The following TET3 variants were observed in gnomAD, a reference collection of about 807,000 sequenced individuals.
TET3 encodes the protein methylcytosine dioxygenase TET3.
A neutral mutation model predicts 141.4 loss-of-function variants in TET3; 19 were observed. The ratio of observed to expected loss-of-function variants is 0.13; its 90% confidence interval spans 0.09 to 0.20. TET3 has a LOEUF of 0.20. TET3 is among the 10% of genes least tolerant of loss of function. TET3 has a pLI of 1.00. For synonymous variants in TET3, 1,043 were observed against 980.9 expected, an observed-to-expected ratio of 1.06 and a Z score of -1.18; for missense variants, 1,874 against 2,356.9, an observed-to-expected ratio of 0.80 and a Z score of 4.24.
intron 3 of TET3, among the ~76,000 whole-genome samples, chr2:74,008,000 A>G (rs936702994): frequency 6.6e-6 from 1 of 152,088 alleles, no homozygotes; most frequent in Non-Finnish European, 1.5e-5. Flanking sequence ...ATTGCTATAA[A>G]GGTTCCTAAA....
chr2:73,984,834 G>A (rs1683914763), upstream of TET3, among the ~76,000 whole-genome samples: 1 of 147,204 alleles, frequency 6.8e-6, no homozygotes, highest in Non-Finnish European at 1.5e-5. The surrounding 1 kb of genome is among the most constrained non-coding windows in gnomAD (Gnocchi z 5.6). Context: ...GCGGGGCTCG[G>A]CGGGGCCGCA....
intron 7 of TET3, among the ~76,000 whole-genome samples, chr2:74,089,302 G>C (rs865898273): frequency 6.6e-6 from 1 of 152,246 alleles, no homozygotes; most frequent in Middle Eastern, 3.4e-3. Flanking sequence ...AGTGTTTTCA[G>C]TGTTCATCTG....
At chr2:74,088,397 C>A in intron 7 of TET3, among the ~76,000 whole-genome samples, 1 of 152,168 alleles carries the variant, frequency 6.6e-6, no homozygotes. Flanking sequence ...AATCCCAGCA[C>A]TTTGGGAGGC....
chr2:74,111,175 T>C (rs935657045), downstream of TET3, among the ~76,000 whole-genome samples: 8 of 152,176 alleles, frequency 5.3e-5, no homozygotes, highest in African/African-American at 1.9e-4. Flanking sequence ...TTGTGACCTC[T>C]TGTCCTTTAA....
At chr2:74,099,759 C>T (rs1691062311) in intron 11 of TET3, 147 bp downstream of exon 11, 3 of 860,746 alleles carry the variant, frequency 3.5e-6, no homozygotes, top group Non-Finnish European at 5.3e-6. Flanking sequence ...CAGCCACAGC[C>T]AGCCTGATAG....
At chr2:74,108,474 C>T (rs553395070), downstream of TET3, among the ~76,000 whole-genome samples, 24 of 152,212 alleles carry the variant, frequency 1.6e-4, no homozygotes, top group South Asian at 5.0e-3. Flanking sequence ...TTTCTTTCCA[C>T]TGGGAGATAC....
intron 3 of TET3, 61 bp downstream of exon 3, chr2:74,003,227 C>G (rs1343760403): frequency 6.5e-7 from 1 of 1,541,948 alleles, no homozygotes; most frequent in African/African-American, 1.4e-5. Context: ...AGTGTTTGAC[C>G]GGATTGGATA....
chr2:74,135,487 A>G, the TET3 span: 7 of 1,508,108 alleles, frequency 4.6e-6, no homozygotes, highest in Admixed American at 8.4e-5. Flanking sequence ...ATGGAAATGT[A>G]TATGAGCAAA....
intron 4 of TET3, 68 bp downstream of exon 4, chr2:74,048,479 G>C (rs1297911441): frequency 6.8e-7 from 1 of 1,478,392 alleles, no homozygotes; most frequent in Non-Finnish European, 9.1e-7. Context: ...GGATTTCTAG[G>C]CCCTGCCTTT....
At chr2:74,116,558 G>A in the TET3 span, among the ~76,000 whole-genome samples, 839 of 151,968 alleles carry the variant, frequency 5.5e-3, 7 homozygotes, top group African/African-American at 0.019. Context: ...GTGTGTGTGT[G>A]CCTGTAGTCC....
chr2:74,063,893 CAAA>C lies in TET3; in HGVS notation c.2495-9642_2495-9640del, dbSNP rs70965781. Among the ~76,000 whole-genome samples the C allele has an allele frequency of 3.6e-3, 381 of 106,278 alleles. 4 individuals carry two copies. Among genetic ancestry groups the C allele is most frequent in the African/African-American group, 9.4e-3 (311 of 33,222 alleles). The allele number at this position is 106,278 out of a possible 152,430, so 69.7% of individuals were successfully genotyped here. A position where few individuals can be genotyped will look rare whatever the true frequency, so the allele number is the denominator to read the frequency against. ...GGGCAACAAAGCCCATCTCTGCAGA[CAAA>C]AAAAAAAAAAAAATAAGTAAAATAG... is the stretch of plus-strand genomic sequence containing the variant. On this transcript the variant is annotated intron_variant, in intron 4 of 11. Coordinates refer to ENST00000409262, the MANE Select transcript of TET3 (RefSeq NM_001287491.2).
intron 4 of TET3, among the ~76,000 whole-genome samples, chr2:74,054,549 G>T (rs1025157383): frequency 3.3e-5 from 5 of 152,188 alleles, no homozygotes; most frequent in Admixed American, 6.5e-5. Flanking sequence ...TAGTTCTTTG[G>T]CAGACTGATG....
intron 4 of TET3, among the ~76,000 whole-genome samples, chr2:74,051,100 C>T (rs1458891469): frequency 6.6e-6 from 1 of 152,138 alleles, no homozygotes; most frequent in Non-Finnish European, 1.5e-5. Context: ...GAAAGGCTTT[C>T]CAGACTGAGT....
At chr2:74,043,742 G>A (rs1160833634) in intron 3 of TET3, among the ~76,000 whole-genome samples, 2 of 152,134 alleles carry the variant, frequency 1.3e-5, no homozygotes, top group Admixed American at 6.5e-5. Flanking sequence ...CAGGAACTGC[G>A]GGCTGGGGCC....
At chr2:74,057,037 A>AT in intron 4 of TET3, among the ~76,000 whole-genome samples, 3 of 152,302 alleles carry the variant, frequency 2.0e-5, no homozygotes, top group Admixed American at 2.0e-4. Flanking sequence ...TTTGAAGGGG[A>AT]TAAGGTCTGG....
rs1370668800 is a variant in TET3 at position 74,093,479 on chromosome 2, G to T, written c.3130-50G>T. On this transcript the variant is annotated intron_variant, in intron 9 of 11. Transcript: ENST00000409262. This position sits in a 1 kb window ranked among gnomAD's most constrained non-coding sequence, Gnocchi z 4.2. ...CTGGCCTCCCCAGGTGCAGAATCGG[G>T]GCCACTCACCTCAGGTCATGTGAGC... is the stretch of plus-strand genomic sequence containing the variant. 27 of 1,513,682 alleles carry T rather than the reference G, an allele frequency of 1.8e-5. No homozygotes were observed. Among genetic ancestry groups the T allele is most frequent in the Non-Finnish European group, 2.4e-5 (27 of 1,123,090 alleles). The allele number at this position is 1,513,682 out of a possible 1,614,324, so 93.8% of individuals were successfully genotyped here. A position where few individuals can be genotyped will look rare whatever the true frequency, so the allele number is the denominator to read the frequency against.
chr2:74,131,557 G>T, the TET3 span, among the ~76,000 whole-genome samples: 1 of 152,160 alleles, frequency 6.6e-6, no homozygotes, highest in Admixed American at 6.5e-5. Flanking sequence ...TCTAACCAGG[G>T]CTGAGGGGCA....
At chr2:74,085,510 C>T (rs555662616) in intron 6 of TET3, among the ~76,000 whole-genome samples, 21 of 152,348 alleles carry the variant, frequency 1.4e-4, no homozygotes, top group African/African-American at 4.8e-4. Flanking sequence ...TCCTTAGAGA[C>T]CACTCAGGTG....
intron 3 of TET3, among the ~76,000 whole-genome samples, chr2:74,017,426 T>C (rs890047544): frequency 6.6e-6 from 1 of 152,230 alleles, no homozygotes; most frequent in African/African-American, 2.4e-5. Flanking sequence ...ATAACCACTG[T>C]TCTTCTCTCT....
Sources: allele counts gnomAD v4.1 joint callset (sites outside exome capture counted in the v4.1 genomes callset), GRCh38; gene constraint gnomAD v4.1.1; non-coding constraint Gnocchi (gnomAD v3.1); transcripts MANE v1.5; gene names NCBI Gene and HGNC (gene_info 2026-07-23, HGNC 2026-07-21).